LRBA: variants seen among roughly 807,000 people sequenced by gnomAD.
The protein encoded by LRBA is lipopolysaccharide-responsive and beige-like anchor protein.
A neutral mutation model predicts 330.0 loss-of-function variants in LRBA; 176 were observed. The ratio of observed to expected loss-of-function variants is 0.53; its 90% CI spans 0.47 to 0.60. The LOEUF (loss-of-function observed/expected upper bound fraction) is 0.60. LRBA is among the 20% of genes least tolerant of loss of function. The pLI, the probability that LRBA is intolerant of heterozygous loss-of-function variation, is 0.00. For synonymous variants in LRBA, 1,230 were observed against 1,193.0 expected, an observed-to-expected ratio of 1.03 and a Z score of -0.64; for missense variants, 3,259 against 3,444.8, an observed-to-expected ratio of 0.95 and a Z score of 1.35.
intron 48 of LRBA, among the ~76,000 whole-genome samples, chr4:150,331,118 C>G (rs549132382): frequency 1.2e-4 from 19 of 152,144 alleles, no homozygotes; most frequent in Non-Finnish European, 2.1e-4. Context: ...CATTGTCTCA[C>G]TATAGTAGTA....
At position 150,844,650 on chromosome 4, in the gene LRBA, A is replaced by G. The variant is rs1385799643; in HGVS notation, c.4461+8T>C. The G allele has an allele frequency of 1.2e-6, 2 of 1,609,432 alleles. No individual in the cohort carries two copies. On this transcript the variant is annotated splice_region_variant and intron_variant, in intron 27 of 56. Coordinates refer to ENST00000651943, the MANE Select transcript of LRBA (RefSeq NM_001364905.1). ...GCTTTTTGAAAATTAATTAATCTGTATACTTACCTTCGCTGCAGATTTCCC... is the reference window on the plus strand; with the variant it reads ...GCTTTTTGAAAATTAATTAATCTGTGTACTTACCTTCGCTGCAGATTTCCC...
In LRBA at chr4:150,906,307, C is replaced by CTAA; in HGVS notation, c.1591_1592insTTA (p.Tyr530_Ser531insIle). ...TATTTCATACTTTACCTTTTCAAGG[C>CTAA]TATATCCTATTACCAAGAAGCCCTT... On this transcript the variant is annotated inframe_insertion, in exon 12 of 57. Transcript: ENST00000651943. 1 of 1,584,974 alleles carries CTAA rather than the reference C, an allele frequency of 6.3e-7. No homozygotes were observed. Among genetic ancestry groups the CTAA allele is most frequent in the South Asian group, 1.1e-5 (1 of 89,868 alleles).
chr4:151,005,437 CAAAAAAAAAAAAAA>C (rs70941465), intron 2 of LRBA, among the ~76,000 whole-genome samples: 2 of 60,592 alleles, frequency 3.3e-5, no homozygotes, highest in South Asian at 2.2e-3. Context: ...GACTCCAACT[CAAAAAAAAAAAAAA>C]AAAAAAAAAA....
At chr4:150,564,024 G>GA (rs1168955893) in intron 40 of LRBA, among the ~76,000 whole-genome samples, 3 of 151,998 alleles carry the variant, frequency 2.0e-5, no homozygotes, top group Non-Finnish European at 4.4e-5. Context: ...CACAGAGTTA[G>GA]AAAAAAAGTA....
At chr4:150,925,846 G>C (rs1733826504) in intron 4 of LRBA, among the ~76,000 whole-genome samples, 1 of 151,984 alleles carries the variant, frequency 6.6e-6, no homozygotes. Context: ...TTCTCTTCTG[G>C]ACACGACATA....
chr4:150,803,595 CT>C (rs1202936760), intron 33 of LRBA, among the ~76,000 whole-genome samples: 1 of 152,074 alleles, frequency 6.6e-6, no homozygotes, highest in African/African-American at 2.4e-5. Context: ...TATATTAATG[CT>C]TTTTGTACAG....
chr4:150,745,761 G>T (rs145606052), intron 35 of LRBA, among the ~76,000 whole-genome samples: 1 of 151,876 alleles, frequency 6.6e-6, no homozygotes, highest in Non-Finnish European at 1.5e-5. Flanking sequence ...TGATCTGCCC[G>T]CCTTGGCCTC....
intron 44 of LRBA, among the ~76,000 whole-genome samples, chr4:150,461,907 A>T (rs1311019636): frequency 6.6e-6 from 1 of 151,778 alleles, no homozygotes; most frequent in African/African-American, 2.4e-5. Flanking sequence ...TCTGTTTTAC[A>T]CAATCACTTT....
chr4:150,336,331 G>A (rs1037174834), intron 48 of LRBA, among the ~76,000 whole-genome samples: 1 of 152,054 alleles, frequency 6.6e-6, no homozygotes, highest in African/African-American at 2.4e-5. Context: ...TAACTTATCT[G>A]TATCTGATTC....
chr4:150,346,267 T>C (rs1020331360), intron 48 of LRBA, among the ~76,000 whole-genome samples: 4 of 151,654 alleles, frequency 2.6e-5, no homozygotes, highest in African/African-American at 9.7e-5. Context: ...CCAAATCTAA[T>C]ACAGAATATA....
At chr4:150,862,933 T>C (rs929430923) in intron 22 of LRBA, among the ~76,000 whole-genome samples, 2 of 151,908 alleles carry the variant, frequency 1.3e-5, no homozygotes, top group Non-Finnish European at 2.9e-5. Flanking sequence ...GAGCCAAGAT[T>C]GCACCACTGC....
At chr4:150,343,402 C>G (rs1382520403) in intron 48 of LRBA, among the ~76,000 whole-genome samples, 2 of 152,072 alleles carry the variant, frequency 1.3e-5, no homozygotes, top group Non-Finnish European at 2.9e-5. Context: ...TCTGTGTGCC[C>G]CATTAGAATG....
At chr4:150,495,638 G>A (rs1188287762) in intron 40 of LRBA, among the ~76,000 whole-genome samples, 12 of 152,184 alleles carry the variant, frequency 7.9e-5, no homozygotes, top group Admixed American at 7.8e-4. Context: ...GCCTAGCTAA[G>A]CAAGGGGTTC....
intron 48 of LRBA, among the ~76,000 whole-genome samples, chr4:150,326,198 T>C (rs1175644977): frequency 6.6e-6 from 1 of 152,196 alleles, no homozygotes; most frequent in African/African-American, 2.4e-5. Context: ...TCTGTTTTCT[T>C]GCACTTGGTT....
At chr4:150,724,729 G>T (rs1729421376) in intron 36 of LRBA, among the ~76,000 whole-genome samples, 1 of 151,438 alleles carries the variant, frequency 6.6e-6, no homozygotes, top group Admixed American at 6.6e-5. Context: ...TTTAACAAAA[G>T]GATTAAATTT....
chr4:150,604,551 A>G (rs1189201379), intron 37 of LRBA, among the ~76,000 whole-genome samples: 1 of 152,218 alleles, frequency 6.6e-6, no homozygotes, highest in African/African-American at 2.4e-5. Context: ...CTGTGGCAAT[A>G]CAAGGATTAT....
chr4:150,339,570 G>A (rs1735221801), intron 48 of LRBA, among the ~76,000 whole-genome samples: 1 of 152,074 alleles, frequency 6.6e-6, no homozygotes, highest in Non-Finnish European at 1.5e-5. Flanking sequence ...AATATAGAAA[G>A]AGGCAAATTA....
intron 2 of LRBA, among the ~76,000 whole-genome samples, chr4:151,009,546 T>C (rs1744558198): frequency 2.5e-5 from 3 of 121,596 alleles, no homozygotes; most frequent in Non-Finnish European, 3.4e-5. Flanking sequence ...AGACTCTGTC[T>C]CAAAAAAAAA....
At chr4:150,860,797 C>T (rs990837073) in intron 22 of LRBA, among the ~76,000 whole-genome samples, 3 of 151,060 alleles carry the variant, frequency 2.0e-5, no homozygotes, top group African/African-American at 7.3e-5. Context: ...CACAGGGCGA[C>T]AGAGCGAGAC....
Sources: gnomAD v4.1 joint callset for allele counts (sites outside exome capture counted in the v4.1 genomes callset) on GRCh38, gnomAD v4.1.1 for gene constraint, MANE v1.5 for transcripts, NCBI Gene and HGNC (gene_info 2026-07-23, HGNC 2026-07-21) for gene names.